CHST11: variants seen among roughly 807,000 people sequenced by gnomAD.
CHST11 encodes C4S-1.
In CHST11, 9 loss-of-function variants were observed where a neutral mutation model predicts 30.4. That is an observed-to-expected ratio of 0.30 (90% CI 0.18 to 0.52). CHST11 has a LOEUF of 0.52. Among genes scored for constraint, CHST11 ranks in the 20% least tolerant of loss-of-function variants. The pLI is 0.97. For missense variants in CHST11, 348 were observed against 460.6 expected, an observed-to-expected ratio of 0.76 and a Z score of 2.24; for synonymous variants, 152 against 187.8, an observed-to-expected ratio of 0.81 and a Z score of 1.56.
intron 2 of CHST11, among the ~76,000 whole-genome samples, chr12:104,667,665 G>T (rs371982579): frequency 6.6e-6 from 1 of 152,140 alleles, no homozygotes; most frequent in Non-Finnish European, 1.5e-5. Flanking sequence ...GACCTTAGGG[G>T]AGCTATGAAT....
intron 1 of CHST11, among the ~76,000 whole-genome samples, chr12:104,556,270 A>G (rs1295780023): frequency 6.6e-6 from 1 of 152,106 alleles, no homozygotes; most frequent in African/African-American, 2.4e-5. Context: ...CAGGAGACTT[A>G]TTCTAGGTGG....
Position 104,743,028 on chromosome 12 carries a change from A to T in CHST11, c.205-13921A>T, listed in dbSNP as rs4964836. Reference sequence around the variant, plus strand: ...CGGGTTTAGGCACAGGAAGCCCACGAGGCCTCATTGGCCGTCTTGTGACCC... The same window carrying T: ...CGGGTTTAGGCACAGGAAGCCCACGTGGCCTCATTGGCCGTCTTGTGACCC... On this transcript the variant is annotated intron_variant, in intron 2 of 2. Transcript: ENST00000303694. 2.0e-5 allele frequency among the ~76,000 whole-genome samples: 3 copies of T among 152,244 alleles called. No homozygotes were observed. The South Asian group carries it at 6.2e-4, about 32-fold the overall frequency.
chr12:104,753,503 G>T (rs867758973), intron 2 of CHST11, among the ~76,000 whole-genome samples: 1 of 152,246 alleles, frequency 6.6e-6, no homozygotes, highest in African/African-American at 2.4e-5. Flanking sequence ...CATATGCCTA[G>T]TGTCACTTAT....
rs2038693456 is a variant in CHST11, at chr12:104,577,273, A to AAAATGGT, written c.119-24629_119-24623dup. On this transcript the variant is annotated intron_variant, in intron 1 of 2. Coordinates refer to ENST00000303694, the MANE Select transcript of CHST11 (RefSeq NM_018413.6). ...TTTTTTTTTTTTTTTGGTATTTAAG[A>AAAATGGT]AAATGGTAAAATACACATAACATAA... Among the ~76,000 whole-genome samples the AAAATGGT allele has an allele frequency of 2.8e-5, 4 of 140,990 alleles. No homozygotes were observed. In the East Asian group the frequency reaches 8.0e-4, roughly 28 times the overall value. The allele number at this position is 140,990 out of a possible 152,430, so 92.5% of individuals were successfully genotyped here. A position where few individuals can be genotyped will look rare whatever the true frequency, so the allele number is the denominator to read the frequency against.
chr12:104,457,231 C>A lies in CHST11; in HGVS notation c.-181C>A. 1 of 566,104 alleles carries A rather than the reference C, an allele frequency of 1.8e-6. No individual in the cohort carries two copies. Among genetic ancestry groups the A allele is most frequent in the Non-Finnish European group, 3.2e-6 (1 of 316,254 alleles). The allele number at this position is 566,104 out of a possible 1,614,324, so 35.1% of individuals were successfully genotyped here. ...ACTTCCAGACCAACTCCGGCACCTTCCACACCCCTGCCCGGGCTGGGGGCT... is the reference window on the plus strand; with the variant it reads ...ACTTCCAGACCAACTCCGGCACCTTACACACCCCTGCCCGGGCTGGGGGCT... On this transcript the variant is annotated 5_prime_UTR_variant, in exon 1 of 3. Coordinates refer to ENST00000303694, the MANE Select transcript of CHST11 (RefSeq NM_018413.6).
intron 2 of CHST11, among the ~76,000 whole-genome samples, chr12:104,734,140 C>T (rs981071082): frequency 1.3e-4 from 20 of 152,228 alleles, no homozygotes; most frequent in African/African-American, 2.9e-4. Context: ...TCAGCACTGG[C>T]GCCAGAGGGG....
rs1246341168 is a variant in CHST11 at position 104,458,190 on chromosome 12, C to T, written c.118+661C>T. On this transcript the variant is annotated intron_variant, in intron 1 of 2. Transcript: ENST00000303694. This position sits in a 1 kb window ranked among gnomAD's most constrained non-coding sequence, Gnocchi z 5.7. ...GCCGTTTGCCCCCGGGGTCCGGCTC[C>T]GCAGTGACCTTGCGGCTGGTGCCCC... Among the ~76,000 whole-genome samples the T allele has an allele frequency of 1.3e-5, 2 of 152,106 alleles. No individual in the cohort carries two copies. The highest frequency in any genetic ancestry group is 4.8e-5 in the African/African-American group (2 of 41,438).
intron 1 of CHST11, among the ~76,000 whole-genome samples, chr12:104,505,540 A>G (rs933064589): frequency 3.9e-5 from 6 of 152,330 alleles, no homozygotes; most frequent in African/African-American, 1.2e-4. Context: ...TTGCATAGCA[A>G]GTTATTTTCA....
At chr12:104,579,842 C>T (rs2038722538) in intron 1 of CHST11, among the ~76,000 whole-genome samples, 1 of 152,186 alleles carries the variant, frequency 6.6e-6, no homozygotes, top group South Asian at 2.1e-4. Context: ...GAGATAAAAG[C>T]TAAATGTCTA....
intron 1 of CHST11, among the ~76,000 whole-genome samples, chr12:104,493,366 C>G (rs111232334): frequency 2.6e-5 from 4 of 152,280 alleles, no homozygotes; most frequent in African/African-American, 9.6e-5. Context: ...CCAGGTAGGC[C>G]TTGGGCTACT....
At chr12:104,599,440 T>C (rs1036836624) in intron 1 of CHST11, among the ~76,000 whole-genome samples, 1 of 152,218 alleles carries the variant, frequency 6.6e-6, no homozygotes, top group Non-Finnish European at 1.5e-5. Context: ...ATGGGCATAA[T>C]TTTACGAGTT....
chr12:104,739,743 A>C (rs1451365983), intron 2 of CHST11, among the ~76,000 whole-genome samples: 1 of 152,190 alleles, frequency 6.6e-6, no homozygotes, highest in African/African-American at 2.4e-5. Context: ...CATCCCTTTA[A>C]ACCTCATAAG....
intron 2 of CHST11, among the ~76,000 whole-genome samples, chr12:104,730,901 C>A (rs985249079): frequency 3.9e-5 from 6 of 152,158 alleles, no homozygotes; most frequent in Admixed American, 2.6e-4. Flanking sequence ...AGTCTGTTCC[C>A]CACAGCTCCC....
At chr12:104,530,371 C>T (rs193180768) in intron 1 of CHST11, among the ~76,000 whole-genome samples, 15 of 152,272 alleles carry the variant, frequency 9.9e-5, no homozygotes, top group Admixed American at 5.2e-4. Context: ...CCATTTTAGC[C>T]CATGTTAGCT....
intron 1 of CHST11, among the ~76,000 whole-genome samples, chr12:104,566,843 TG>T (rs2038572253): frequency 6.6e-6 from 1 of 152,012 alleles, no homozygotes; most frequent in Non-Finnish European, 1.5e-5. Flanking sequence ...TGAACCTGAA[TG>T]GAACCTTAGA....
intron 2 of CHST11, among the ~76,000 whole-genome samples, chr12:104,602,682 G>A (rs148774860): frequency 1.5e-3 from 233 of 152,308 alleles, no homozygotes; most frequent in Middle Eastern, 6.8e-3. Flanking sequence ...TGATCCTTTT[G>A]TAGGAACATT....
intron 2 of CHST11, among the ~76,000 whole-genome samples, chr12:104,602,483 T>TA (rs770960339): frequency 6.6e-6 from 1 of 152,198 alleles, no homozygotes; most frequent in Non-Finnish European, 1.5e-5. Flanking sequence ...TCTAACTCGT[T>TA]AGTTTAATGA....
intron 2 of CHST11, among the ~76,000 whole-genome samples, chr12:104,731,528 T>C (rs933551504): frequency 6.6e-6 from 1 of 152,198 alleles, no homozygotes; most frequent in Non-Finnish European, 1.5e-5. Flanking sequence ...ATCCCTGTTC[T>C]GAAAATGGGC....
chr12:104,620,211 A>G (rs747499836), intron 2 of CHST11, among the ~76,000 whole-genome samples: 1 of 152,158 alleles, frequency 6.6e-6, no homozygotes, highest in South Asian at 2.1e-4. Context: ...TGCTCTCTTC[A>G]TTTGAGTTTC....
Sources: allele counts gnomAD v4.1 joint callset (sites outside exome capture counted in the v4.1 genomes callset), GRCh38; gene constraint gnomAD v4.1.1; non-coding constraint Gnocchi (gnomAD v3.1); transcripts MANE v1.5; gene names NCBI Gene and HGNC (gene_info 2026-07-23, HGNC 2026-07-21).